Variants in KHDC1 observed in about 807,000 individuals in gnomAD.
KHDC1 encodes KH homology domain-containing protein 1.
A neutral mutation model predicts 24.7 loss-of-function variants in KHDC1; 21 were observed. The ratio of observed to expected loss-of-function variants is 0.85; its 90% CI spans 0.60 to 1.23. The LOEUF (loss-of-function observed/expected upper bound fraction) is 1.23. Ranked by LOEUF, KHDC1 falls within the 50% of genes most tolerant of loss-of-function variation. The probability of loss-of-function intolerance (pLI) is 0.00; values close to 1 mark genes in which losing one functional copy is unlikely to be tolerated. For missense variants in KHDC1, 274 were observed against 298.5 expected (o/e 0.92, Z 0.61); for synonymous variants, 98 against 111.7 (o/e 0.88, Z 0.77).
intron 2 of KHDC1, among the ~76,000 whole-genome samples, chr6:73,265,528 CAAAAAAAAAAA>C (rs70994179): frequency 2.7e-5 from 2 of 74,502 alleles, no homozygotes; most frequent in East Asian, 3.7e-4. Context: ...GACTCCGTCT[CAAAAAAAAAAA>C]AAAAAAAAAA....
chr6:73,250,392 A>C (rs1048103881), intron 2 of KHDC1, among the ~76,000 whole-genome samples: 1 of 152,210 alleles, frequency 6.6e-6, no homozygotes, highest in Non-Finnish European at 1.5e-5. Flanking sequence ...CTGAAGAGAG[A>C]CACAAAAAAG....
chr6:73,298,059 G>T (rs569983078), intron 1 of KHDC1, among the ~76,000 whole-genome samples: 1 of 152,082 alleles, frequency 6.6e-6, no homozygotes, highest in South Asian at 2.1e-4. Flanking sequence ...GGCATGGTGG[G>T]GCATGCCCGT....
intron 2 of KHDC1, among the ~76,000 whole-genome samples, chr6:73,279,863 A>G (rs1054603855): frequency 6.6e-6 from 1 of 152,178 alleles, no homozygotes; most frequent in Non-Finnish European, 1.5e-5. Context: ...GGCGTGAGCC[A>G]CCTTGCCCGG....
chr6:73,260,430 A>C (rs1418628328), intron 2 of KHDC1, among the ~76,000 whole-genome samples: 1 of 152,178 alleles, frequency 6.6e-6, no homozygotes, highest in Non-Finnish European at 1.5e-5. Context: ...AGAATGAGTA[A>C]ACTATTACCA....
In KHDC1 at chr6:73,292,120, T is replaced by C. The variant is rs115980933; in HGVS notation, c.164-80A>G. 1.6e-4 allele frequency: 256 copies of C among 1,588,976 alleles called. No homozygotes were observed. The African/African-American group carries it at 2.0e-3, about 12-fold the overall frequency. Reference sequence around the variant, plus strand: ...TTAGTGATGCCAACATGGTAGACTTTGCTATGGATGCATACAAAAACCTTT... The same window carrying C: ...TTAGTGATGCCAACATGGTAGACTTCGCTATGGATGCATACAAAAACCTTT... On this transcript the variant is annotated intron_variant, in intron 1 of 4. Transcript: ENST00000370384.
intron 1 of KHDC1, among the ~76,000 whole-genome samples, chr6:73,307,842 G>A (rs954299096): frequency 6.6e-6 from 1 of 152,144 alleles, no homozygotes; most frequent in African/African-American, 2.4e-5. Flanking sequence ...GGGTCTCTGT[G>A]CCTCACCCCC....
At chr6:73,306,222 C>T (rs2150757195) in intron 1 of KHDC1, among the ~76,000 whole-genome samples, 1 of 152,204 alleles carries the variant, frequency 6.6e-6, no homozygotes, top group African/African-American at 2.4e-5. Flanking sequence ...AACTGCTCCC[C>T]TCCACCAGAG....
intron 2 of KHDC1, among the ~76,000 whole-genome samples, chr6:73,278,970 C>G (rs1485251801): frequency 6.6e-6 from 1 of 152,176 alleles, no homozygotes; most frequent in Non-Finnish European, 1.5e-5. Flanking sequence ...GCTACAAACT[C>G]CTTTTTGGCA....
intron 1 of KHDC1, among the ~76,000 whole-genome samples, chr6:73,296,256 A>G (rs150076185): frequency 0.014 from 2,097 of 151,910 alleles, 44 homozygotes; most frequent in African/African-American, 0.047. Flanking sequence ...AGAGTTCGAG[A>G]CCAGCCTGGG....
At chr6:73,297,324 T>A (rs1342056638) in intron 1 of KHDC1, among the ~76,000 whole-genome samples, 8 of 152,168 alleles carry the variant, frequency 5.3e-5, no homozygotes, top group Admixed American at 5.2e-4. Flanking sequence ...AAATTATTTT[T>A]TCTCCCACTA....
intron 2 of KHDC1, among the ~76,000 whole-genome samples, chr6:73,278,897 C>T (rs754181522): frequency 6.6e-6 from 1 of 152,144 alleles, no homozygotes; most frequent in African/African-American, 2.4e-5. Flanking sequence ...AGTGTGAGAA[C>T]ATCAAATAAC....
chr6:73,246,249 CA>C (rs1392598213), intron 2 of KHDC1, among the ~76,000 whole-genome samples: 1 of 152,138 alleles, frequency 6.6e-6, no homozygotes, highest in East Asian at 1.9e-4. Context: ...ATCTCTCCTT[CA>C]CTGAATGAAG....
intron 2 of KHDC1, among the ~76,000 whole-genome samples, chr6:73,246,372 T>C (rs1262628001): frequency 6.6e-6 from 1 of 152,220 alleles, no homozygotes; most frequent in Admixed American, 6.5e-5. Flanking sequence ...AGTTTACATT[T>C]TTAAACATTA....
chr6:73,298,724 C>G (rs755365539), intron 1 of KHDC1, among the ~76,000 whole-genome samples: 8 of 151,910 alleles, frequency 5.3e-5, no homozygotes, highest in Non-Finnish European at 1.2e-4. Flanking sequence ...TGAGCCACTA[C>G]GCCCGGCCTG....
chr6:73,307,151 C>T (rs997544934), intron 1 of KHDC1, among the ~76,000 whole-genome samples: 1 of 152,168 alleles, frequency 6.6e-6, no homozygotes, highest in African/African-American at 2.4e-5. Flanking sequence ...ATTAGAGCAG[C>T]CGGGCAAGGT....
intron 2 of KHDC1, among the ~76,000 whole-genome samples, chr6:73,263,810 C>T (rs1055273828): frequency 2.6e-5 from 4 of 152,142 alleles, no homozygotes; most frequent in African/African-American, 9.7e-5. Context: ...CGTTTATGGC[C>T]TCAAACATGA....
chr6:73,300,635 T>C (rs2150751791), intron 1 of KHDC1: 1 of 152,232 alleles, frequency 6.6e-6, no homozygotes, highest in East Asian at 1.9e-4. Flanking sequence ...CCATAAATAT[T>C]TGTTGAATGA....
At chr6:73,262,872 G>T in intron 2 of KHDC1, 3 of 986,216 alleles carry the variant, frequency 3.0e-6, no homozygotes, top group Non-Finnish European at 3.6e-6. Context: ...CAGAATTCAG[G>T]ACTGAGCATC....
intron 2 of KHDC1, among the ~76,000 whole-genome samples, chr6:73,257,796 CAGTATGATTTCATATAT>C (rs1766907759): frequency 1.3e-5 from 2 of 152,036 alleles, no homozygotes; most frequent in African/African-American, 4.8e-5. Flanking sequence ...CTCAGACAAA[CAGTATGATTTCATATAT>C]ATGAAATATC....
Sources: gnomAD v4.1 joint callset for allele counts (sites outside exome capture counted in the v4.1 genomes callset) on GRCh38, gnomAD v4.1.1 for gene constraint, MANE v1.5 for transcripts, NCBI Gene and HGNC (gene_info 2026-07-23, HGNC 2026-07-21) for gene names.